CNR2: variants seen among roughly 807,000 people sequenced by gnomAD.
CNR2 encodes the protein cannabinoid receptor 2 (macrophage).
For missense variants in CNR2, 379 were observed against 439.9 expected (o/e 0.86, Z 1.24); for synonymous variants, 172 against 182.2 (o/e 0.94, Z 0.45).
chr1:23,891,635 A>AAAAAAGG (rs58607626), intron 1 of CNR2, among the ~76,000 whole-genome samples: 1 of 131,012 alleles, frequency 7.6e-6, no homozygotes, highest in African/African-American at 2.9e-5. Context: ...AAAAAAAAAA[A>AAAAAAGG]AAAGCCCAAA....
intron 1 of CNR2, among the ~76,000 whole-genome samples, chr1:23,897,879 T>C (rs1237361587): frequency 6.6e-6 from 1 of 152,216 alleles, no homozygotes; most frequent in Non-Finnish European, 1.5e-5. Flanking sequence ...TTGCAATATG[T>C]TGTTGTGGTT....
At chr1:23,908,386 C>G (rs1176210764) in intron 1 of CNR2, among the ~76,000 whole-genome samples, 1 of 152,148 alleles carries the variant, frequency 6.6e-6, no homozygotes, top group Non-Finnish European at 1.5e-5. Flanking sequence ...CCTTGAATTC[C>G]TGGGCTCAAG....
intron 1 of CNR2, among the ~76,000 whole-genome samples, chr1:23,896,645 G>A (rs1640290137): frequency 6.6e-6 from 1 of 152,218 alleles, no homozygotes; most frequent in South Asian, 2.1e-4. Context: ...AGGCAGGAGG[G>A]AAGGGTGGGA....
At chr1:23,876,916 C>G (rs1021067189) in intron 1 of CNR2, among the ~76,000 whole-genome samples, 1 of 151,562 alleles carries the variant, frequency 6.6e-6, no homozygotes, top group Non-Finnish European at 1.5e-5. Flanking sequence ...AAAAAACCCT[C>G]AGGAACCTAG....
chr1:23,874,541 A>G lies in CNR2; in HGVS notation c.1077T>C (p.Asp359=), dbSNP rs1180172050. The G allele has an allele frequency of 1.2e-6, 2 of 1,611,114 alleles. No homozygotes were observed. The highest frequency in any genetic ancestry group is 3.4e-5 in the Admixed American group (2 of 59,486). Residue 359 remains aspartate (D), a synonymous_variant, in exon 2 of 2, where the codon GAT becomes GAC. Transcript: ENST00000374472. Reference sequence around the variant, plus strand: ...AAATTGGGAAGAGGCCTCATCAGCAATCAGAGAGGTCTAGATCTCTGGAAT... The same window carrying G: ...AAATTGGGAAGAGGCCTCATCAGCAGTCAGAGAGGTCTAGATCTCTGGAAT... ...WPDSRDLDLS[D]C is the part of the protein sequence containing the mutation.
rs1639748378 is a variant in CNR2, at chr1:23,870,737, C to T, written c.*3798G>A. 1 of 152,238 alleles carries T rather than the reference C, an allele frequency of 6.6e-6. No individual in the cohort carries two copies. The highest frequency in any genetic ancestry group is 6.6e-5 in the Admixed American group (1 of 15,262). 9.4% of individuals were successfully genotyped at this position (152,238 alleles called of 1,614,324 possible). ...ACACCATCTCGTTTGTCTCCCTGAG[C>T]AAGTCTTGTCCACTGTCTGGGCCCA... On this transcript the variant is annotated 3_prime_UTR_variant, in exon 2 of 2. Transcript: ENST00000374472.
At chr1:23,906,947 A>G (rs906505681) in intron 1 of CNR2, among the ~76,000 whole-genome samples, 4 of 151,766 alleles carry the variant, frequency 2.6e-5, no homozygotes, top group African/African-American at 7.3e-5. Context: ...GCCTCTCTGT[A>G]TATGCCTTGC....
At chr1:23,891,155 C>T (rs1016197143) in intron 1 of CNR2, among the ~76,000 whole-genome samples, 4 of 151,692 alleles carry the variant, frequency 2.6e-5, no homozygotes, top group Non-Finnish European at 5.9e-5. Flanking sequence ...GTTGAGATTA[C>T]AGGCGTGAGC....
intron 1 of CNR2, among the ~76,000 whole-genome samples, chr1:23,898,057 C>T (rs1240000806): frequency 1.3e-5 from 2 of 151,856 alleles, no homozygotes; most frequent in African/African-American, 4.8e-5. Context: ...GATGGAGTCT[C>T]ACTCTGTCAC....
chr1:23,912,371 T>A (rs1640601527), intron 1 of CNR2, among the ~76,000 whole-genome samples: 1 of 152,218 alleles, frequency 6.6e-6, no homozygotes, highest in South Asian at 2.1e-4. Context: ...AGCGCAGGAC[T>A]CACCTGGTCA....
intron 1 of CNR2, among the ~76,000 whole-genome samples, chr1:23,885,195 T>C (rs1181824873): frequency 2.6e-5 from 4 of 151,110 alleles, no homozygotes; most frequent in African/African-American, 4.9e-5. Context: ...AGCCCGGGAG[T>C]TGGAGGCTGC....
Position 23,874,441 on chromosome 1 carries a change from G to C in CNR2, c.*94C>G. The stretch of plus-strand genomic sequence containing the variant: ...GTCCGTGTCTAGGTGTCTGGGACTG[G>C]TTTAAGTAAGAAGAGAGTGCCAAGA... On this transcript the variant is annotated 3_prime_UTR_variant, in exon 2 of 2. Transcript: ENST00000374472. 1 of 1,387,708 alleles carries C rather than the reference G, an allele frequency of 7.2e-7. No homozygotes were observed. The highest frequency in any genetic ancestry group is 9.8e-7 in the Non-Finnish European group (1 of 1,021,698). The allele number at this position is 1,387,708 out of a possible 1,614,324, so 86.0% of individuals were successfully genotyped here.
rs1288437535 is a variant in CNR2, at chr1:23,875,524, G to A, written c.94C>T (p.Gln32Ter). The A allele has an allele frequency of 6.2e-7, 1 of 1,613,956 alleles. No homozygotes were observed. Among genetic ancestry groups the A allele is most frequent in the Non-Finnish European group, 8.5e-7 (1 of 1,180,028 alleles). Reference protein sequence around the residue: ...MKDYMILSGPQKTAVAVLCTL... With the variant: ...MKDYMILSGP The stretch of plus-strand genomic sequence containing the variant: ...CACAACACAGCAACAGCTGTCTTCT[G>A]GGGACCACTCAGGATCATGTAATCC... Residue 32 changes from glutamine (Q) to a stop codon, truncating the protein, a stop_gained, in exon 2 of 2, where the codon CAG (glutamine) becomes TAG (stop). Coordinates refer to ENST00000374472, the MANE Select transcript of CNR2 (RefSeq NM_001841.3). LOFTEE classifies it high-confidence loss of function.
intron 1 of CNR2, among the ~76,000 whole-genome samples, chr1:23,906,638 T>A (rs1332726768): frequency 6.6e-6 from 1 of 151,472 alleles, no homozygotes; most frequent in Non-Finnish European, 1.5e-5. Context: ...CTTCAGCACT[T>A]CCCAAAGTGC....
intron 1 of CNR2, among the ~76,000 whole-genome samples, chr1:23,896,842 A>T (rs1388620233): frequency 6.6e-6 from 1 of 151,596 alleles, no homozygotes; most frequent in Non-Finnish European, 1.5e-5. Flanking sequence ...CCTCAGGCAC[A>T]ATAGCCTCCT....
chr1:23,905,283 C>A (rs1479767549), intron 1 of CNR2, among the ~76,000 whole-genome samples: 1 of 150,526 alleles, frequency 6.6e-6, no homozygotes, highest in Non-Finnish European at 1.5e-5. Context: ...CGGGTTCAAT[C>A]GATTCTCTTG....
chr1:23,910,654 CA>C lies in CNR2; in HGVS notation c.-46+2591del, dbSNP rs34083515. Among the ~76,000 whole-genome samples the C allele has an allele frequency of 2.5e-3, 79 of 32,192 alleles. 1 individual carries two copies. Among genetic ancestry groups the C allele is most frequent in the African/African-American group, 7.0e-3 (41 of 5,894 alleles). 21.1% of individuals were successfully genotyped at this position (32,192 alleles called of 152,430 possible). On this transcript the variant is annotated intron_variant, in intron 1 of 1. Coordinates refer to ENST00000374472, the MANE Select transcript of CNR2 (RefSeq NM_001841.3). ...GGGCAACAAGAGCAAAACGCTGTCT[CA>C]AAAAAAAAAAAAAAAAAAAAAAAAG... is the stretch of plus-strand genomic sequence containing the variant.
At chr1:23,896,054 G>C (rs559408184) in intron 1 of CNR2, among the ~76,000 whole-genome samples, 2 of 151,962 alleles carry the variant, frequency 1.3e-5, no homozygotes, top group East Asian at 3.9e-4. Flanking sequence ...TGTAGAGATG[G>C]GGTCTCACTA....
At chr1:23,911,052 G>GA (rs1456309973) in intron 1 of CNR2, among the ~76,000 whole-genome samples, 1 of 151,662 alleles carries the variant, frequency 6.6e-6, no homozygotes, top group East Asian at 1.9e-4. Context: ...GTGGCTCGGG[G>GA]ACTTTTTTCA....
Sources: gnomAD v4.1 joint callset for allele counts (sites outside exome capture counted in the v4.1 genomes callset) on GRCh38, gnomAD v4.1.1 for gene constraint, MANE v1.5 for transcripts, NCBI Gene and HGNC (gene_info 2026-07-23, HGNC 2026-07-21) for gene names.